TBC1D22A: variants seen among roughly 807,000 people sequenced by gnomAD.
The protein encoded by TBC1D22A is TBC1 domain family member 22A, also known as putative GTPase activator.
A neutral mutation model predicts 60.2 loss-of-function variants in TBC1D22A; 38 were observed. The observed-to-expected ratio is 0.63, with a 90% CI of 0.49 to 0.83. The LOEUF is 0.83. Ranked by LOEUF, TBC1D22A falls within the 40% of genes least tolerant of loss-of-function variation. The pLI, the probability that TBC1D22A is intolerant of heterozygous loss-of-function variation, is 0.00. For missense variants in TBC1D22A, 628 were observed against 701.0 expected (o/e 0.90, Z 1.18); for synonymous variants, 302 against 281.7 (o/e 1.07, Z -0.72).
At chr22:46,839,871 T>G (rs553011076) in intron 4 of TBC1D22A, among the ~76,000 whole-genome samples, 10 of 152,376 alleles carry the variant, frequency 6.6e-5, no homozygotes, top group African/African-American at 2.4e-4. Flanking sequence ...TCAATAAGTT[T>G]GTTGGGAAAA....
intron 5 of TBC1D22A, among the ~76,000 whole-genome samples, chr22:46,889,043 A>G (rs2068262738): frequency 1.3e-5 from 2 of 152,092 alleles, no homozygotes; most frequent in Non-Finnish European, 2.9e-5. Flanking sequence ...CACTAATTAT[A>G]AAAGAAAAAC....
chr22:46,899,702 AT>A (rs1399977853), intron 7 of TBC1D22A, among the ~76,000 whole-genome samples: 1 of 152,118 alleles, frequency 6.6e-6, no homozygotes, highest in Non-Finnish European at 1.5e-5. Context: ...TCACATTTGC[AT>A]TCCACTAGCA....
At chr22:47,002,669 C>T (rs2061440349) in intron 10 of TBC1D22A, among the ~76,000 whole-genome samples, 1 of 152,188 alleles carries the variant, frequency 6.6e-6, no homozygotes, top group South Asian at 2.1e-4. Flanking sequence ...GTGACACTGG[C>T]ACTAAAAGGG....
Position 47,069,732 on chromosome 22 carries a change from G to T in TBC1D22A, c.1329+32534G>T, listed in dbSNP as rs2063897105. Among the ~76,000 whole-genome samples, 2 of 118,262 alleles carry T rather than the reference G, an allele frequency of 1.7e-5. 1 individual carries two copies. The highest frequency in any genetic ancestry group is 1.9e-4 in the Admixed American group (2 of 10,528). 77.6% of individuals were successfully genotyped at this position (118,262 alleles called of 152,430 possible). ...CTGACGGTCCTGGCTGTTCCCGGTT[G>T]TTTGGTTGGAGCGGAGCTGACCTGA... is the stretch of plus-strand genomic sequence containing the variant. On this transcript the variant is annotated intron_variant, in intron 11 of 12. Coordinates refer to ENST00000337137, the MANE Select transcript of TBC1D22A (RefSeq NM_014346.5).
At chr22:46,959,012 C>T (rs1048970483) in intron 8 of TBC1D22A, among the ~76,000 whole-genome samples, 9 of 152,224 alleles carry the variant, frequency 5.9e-5, no homozygotes, top group South Asian at 2.1e-4. Context: ...TAAAATGAAA[C>T]GGGCATTGGC....
At position 47,053,745 on chromosome 22, in the gene TBC1D22A, C is replaced by T. The variant is rs16996244; in HGVS notation, c.1329+16547C>T. Among the ~76,000 whole-genome samples the T allele has an allele frequency of 6.7e-3, 1,019 of 152,360 alleles. 6 individuals are homozygous for T. The highest frequency in any genetic ancestry group is 0.012 in the Non-Finnish European group (787 of 68,030). On this transcript the variant is annotated intron_variant, in intron 11 of 12. Transcript: ENST00000337137. The stretch of plus-strand genomic sequence containing the variant: ...CAGCTGACAACATCACATTCACTGG[C>T]GTTGGCTGAGCCCTTCTGCGCTCCA...
rs2072062280 is a variant in TBC1D22A at position 46,941,413 on chromosome 22, T to TATGGAATATATATAC, written c.1015+29226_1015+29227insTGGAATATATATACA. On this transcript the variant is annotated intron_variant, in intron 8 of 12. Transcript: ENST00000337137. ...GGAATATATATACACAGAATATATATACGGAATATACACGGAATATATATA... is the reference window on the plus strand; with the variant it reads ...GGAATATATATACACAGAATATATATATGGAATATATATACACGGAATATACACGGAATATATATA... 8.8e-5 allele frequency among the ~76,000 whole-genome samples: 7 copies of TATGGAATATATATAC among 79,524 alleles called. 1 individual carries two copies. The highest frequency in any genetic ancestry group is 1.3e-4 in the African/African-American group (2 of 15,338). 52.2% of individuals were successfully genotyped at this position (79,524 alleles called of 152,430 possible).
intron 5 of TBC1D22A, among the ~76,000 whole-genome samples, chr22:46,884,674 G>A (rs113567025): frequency 2.6e-5 from 4 of 152,334 alleles, no homozygotes; most frequent in African/African-American, 9.6e-5. Context: ...CAGGGAATCT[G>A]TATAAAGGAA....
intron 11 of TBC1D22A, among the ~76,000 whole-genome samples, chr22:47,097,157 A>ACATGAGTATGGGCGTGCCCCCGTATCC (rs1556202899): frequency 6.6e-6 from 1 of 152,224 alleles, no homozygotes; most frequent in East Asian, 1.9e-4. Context: ...CGTGGCCTCC[A>ACATGAGTATGGGCGTGCCCCCGTATCC]TTAGTCCCAC....
intron 12 of TBC1D22A, among the ~76,000 whole-genome samples, chr22:47,121,661 C>G (rs2066274720): frequency 6.6e-6 from 1 of 151,782 alleles, no homozygotes; most frequent in Non-Finnish European, 1.5e-5. Context: ...GCTAGCCTGA[C>G]TTAGTTTTCA....
chr22:46,969,653 C>G (rs1246665928), intron 8 of TBC1D22A, among the ~76,000 whole-genome samples: 1 of 152,208 alleles, frequency 6.6e-6, no homozygotes, highest in African/African-American at 2.4e-5. Context: ...GTGGGAGCCT[C>G]TTCTGCCTCC....
chr22:46,926,605 A>G (rs2071062739), intron 8 of TBC1D22A, among the ~76,000 whole-genome samples: 1 of 152,034 alleles, frequency 6.6e-6, no homozygotes, highest in South Asian at 2.1e-4. Context: ...TGTGATTAAC[A>G]TTTAAATCGG....
intron 11 of TBC1D22A, among the ~76,000 whole-genome samples, chr22:47,071,453 A>C (rs967662820): frequency 2.1e-4 from 32 of 152,164 alleles, no homozygotes; most frequent in Non-Finnish European, 4.1e-4. Context: ...CCTCCCAGCC[A>C]CCTGAGCCAC....
At chr22:47,156,700 C>T (rs2067732271) in intron 12 of TBC1D22A, among the ~76,000 whole-genome samples, 1 of 152,148 alleles carries the variant, frequency 6.6e-6, no homozygotes, top group Non-Finnish European at 1.5e-5. Flanking sequence ...CCTCACAGCA[C>T]AGTCTCCCTC....
intron 11 of TBC1D22A, among the ~76,000 whole-genome samples, chr22:47,062,527 G>T (rs56147532): frequency 6.6e-6 from 1 of 151,970 alleles, no homozygotes; most frequent in East Asian, 1.9e-4. Flanking sequence ...TTCCTCTAGC[G>T]TGAGTGCCGT....
intron 12 of TBC1D22A, among the ~76,000 whole-genome samples, chr22:47,133,859 C>A (rs572963723): frequency 6.6e-6 from 1 of 152,232 alleles, no homozygotes; most frequent in Non-Finnish European, 1.5e-5. Flanking sequence ...GGCATCCTCG[C>A]GAGCTCCAAA....
At chr22:46,773,791 A>C (rs2083587855) in intron 1 of TBC1D22A, 1 of 377,446 alleles carries the variant, frequency 2.6e-6, no homozygotes, top group Non-Finnish European at 3.6e-6. Context: ...CTGTACATGC[A>C]ACCACACGTG....
Position 46,934,657 on chromosome 22 carries a change from G to A in TBC1D22A, c.1015+22469G>A, listed in dbSNP as rs575202799. On this transcript the variant is annotated intron_variant, in intron 8 of 12. Coordinates refer to ENST00000337137, the MANE Select transcript of TBC1D22A (RefSeq NM_014346.5). ...AGTGATGGAGTCCTGAGGGTGAGGC[G>A]CGTCCATGCTCTAGCCCGGGGACAC... Among the ~76,000 whole-genome samples, 11 of 152,324 alleles carry A rather than the reference G, an allele frequency of 7.2e-5. No individual in the cohort carries two copies. In the East Asian group the frequency reaches 2.1e-3, roughly 29 times the overall value.
chr22:46,808,980 G>A (rs1171013237), intron 4 of TBC1D22A, among the ~76,000 whole-genome samples: 1 of 152,240 alleles, frequency 6.6e-6, no homozygotes, highest in African/African-American at 2.4e-5. Flanking sequence ...CTAAAGAGAA[G>A]AAGTTCAAGT....
Sources: gnomAD v4.1 joint callset for allele counts (sites outside exome capture counted in the v4.1 genomes callset) on GRCh38, gnomAD v4.1.1 for gene constraint, MANE v1.5 for transcripts, NCBI Gene and HGNC (gene_info 2026-07-23, HGNC 2026-07-21) for gene names.